Variants in NELL1 observed in about 807,000 individuals in gnomAD.
NELL1 encodes the protein protein kinase C-binding protein NELL1.
NELL1 carries 76 observed loss-of-function variants against 107.4 expected under a neutral mutation model. The ratio of observed to expected loss-of-function variants is 0.71; its 90% CI spans 0.59 to 0.86. The LOEUF (loss-of-function observed/expected upper bound fraction) is 0.86. Ranked by LOEUF, NELL1 falls within the 40% of genes least tolerant of loss-of-function variation. The pLI is 0.00. For missense variants in NELL1, 1,024 were observed against 1,005.5 expected, an observed-to-expected ratio of 1.02 and a Z score of -0.25; for synonymous variants, 353 against 341.2, an observed-to-expected ratio of 1.03 and a Z score of -0.38.
intron 14 of NELL1, among the ~76,000 whole-genome samples, chr11:21,242,396 A>G (rs1272410384): frequency 5.9e-5 from 9 of 152,046 alleles, no homozygotes; most frequent in Middle Eastern, 3.2e-3. Context: ...AGCAGCACCT[A>G]TCACTTTTGT....
intron 14 of NELL1, among the ~76,000 whole-genome samples, chr11:21,303,878 G>A (rs1444820979): frequency 6.6e-6 from 1 of 151,984 alleles, no homozygotes; most frequent in African/African-American, 2.4e-5. Flanking sequence ...CTCCAAGGTG[G>A]TGCCTCATTG....
chr11:21,043,845 G>C (rs1220591541), intron 12 of NELL1, among the ~76,000 whole-genome samples: 2 of 152,106 alleles, frequency 1.3e-5, no homozygotes, highest in African/African-American at 4.8e-5. Flanking sequence ...CAGGGTTTCT[G>C]GCTTTAGTAA....
rs1367559751 is a variant in NELL1, at chr11:21,374,887, CTGTGTGT to C, written c.1645+3940_1645+3946del. Among the ~76,000 whole-genome samples, 224 of 143,850 alleles carry C rather than the reference CTGTGTGT, an allele frequency of 1.6e-3. 1 individual carries two copies. The highest frequency in any genetic ancestry group is 5.5e-3 in the African/African-American group (212 of 38,442). The allele number at this position is 143,850 out of a possible 152,430, so 94.4% of individuals were successfully genotyped here. A position where few individuals can be genotyped will look rare whatever the true frequency, so the allele number is the denominator to read the frequency against. On this transcript the variant is annotated intron_variant, in intron 15 of 19. Transcript: ENST00000357134. ...GCTGTGTGGAACTGACTGTGTGTGT[CTGTGTGT>C]GTGTGTGTGTGTGTGTGTGTGTGTG...
chr11:20,945,030 T>C (rs1168830763), intron 10 of NELL1, among the ~76,000 whole-genome samples: 2 of 152,206 alleles, frequency 1.3e-5, no homozygotes, highest in Non-Finnish European at 2.9e-5. Flanking sequence ...TGGGAATCAC[T>C]CCCGAATCTC....
chr11:21,033,552 G>A (rs1853013703), intron 12 of NELL1, among the ~76,000 whole-genome samples: 1 of 151,886 alleles, frequency 6.6e-6, no homozygotes, highest in Non-Finnish European at 1.5e-5. Flanking sequence ...CCATGTCTTT[G>A]CCAAGGACAT....
chr11:21,233,072 TAC>T (rs1470436183), intron 14 of NELL1, among the ~76,000 whole-genome samples: 3 of 152,218 alleles, frequency 2.0e-5, no homozygotes, highest in Non-Finnish European at 2.9e-5. Flanking sequence ...TTATAAGCAT[TAC>T]ATAAGACATC....
chr11:21,293,180 T>C (rs1849307764), intron 14 of NELL1, among the ~76,000 whole-genome samples: 1 of 152,134 alleles, frequency 6.6e-6, no homozygotes, highest in Non-Finnish European at 1.5e-5. Context: ...TCTATCCATC[T>C]GACAAAGGGC....
At chr11:20,846,365 A>T (rs952987435) in intron 3 of NELL1, among the ~76,000 whole-genome samples, 2 of 152,212 alleles carry the variant, frequency 1.3e-5, no homozygotes, top group African/African-American at 4.8e-5. Context: ...TTCATTCCTC[A>T]TAGAAGATGC....
rs192493419 is a variant in NELL1 at position 21,194,678 on chromosome 11, C to G, written c.1427-34654C>G. Among the ~76,000 whole-genome samples, 18 of 152,220 alleles carry G rather than the reference C, an allele frequency of 1.2e-4. No individual in the cohort carries two copies. The East Asian group carries it at 3.5e-3, about 29-fold the overall frequency. ...TAAGCAAGACCTACCGAATCAGCAA[C>G]TTTTTAGGGGTAAGGCCCAGAAATC... On this transcript the variant is annotated intron_variant, in intron 13 of 19. Transcript: ENST00000357134.
chr11:21,336,731 C>T (rs1339372772), intron 14 of NELL1, among the ~76,000 whole-genome samples: 2 of 149,892 alleles, frequency 1.3e-5, no homozygotes, highest in African/African-American at 4.9e-5. Flanking sequence ...TATTTGAACT[C>T]TTCTTTTTTT....
At chr11:21,142,534 G>A (rs886533368) in intron 13 of NELL1, among the ~76,000 whole-genome samples, 2 of 152,212 alleles carry the variant, frequency 1.3e-5, no homozygotes, top group African/African-American at 4.8e-5. Flanking sequence ...CTTAAATCAC[G>A]GCAGAGGCAT....
At chr11:20,671,238 C>T (rs1853901000) in intron 1 of NELL1, 1 of 152,282 alleles carries the variant, frequency 6.6e-6, no homozygotes, top group Non-Finnish European at 1.5e-5. Flanking sequence ...CTTTTAAAAC[C>T]AGGACACGCT....
chr11:21,220,705 A>G (rs1590745757), intron 13 of NELL1, among the ~76,000 whole-genome samples: 1 of 151,638 alleles, frequency 6.6e-6, no homozygotes, highest in Non-Finnish European at 1.5e-5. Flanking sequence ...ACCCATTTTT[A>G]TGTGTTAATT....
intron 12 of NELL1, among the ~76,000 whole-genome samples, chr11:21,101,661 C>A (rs940304148): frequency 6.6e-6 from 1 of 151,992 alleles, no homozygotes; most frequent in African/African-American, 2.4e-5. Context: ...CTGTTCATAT[C>A]CTTCGCCCAC....
At chr11:21,343,391 C>A (rs1358292852) in intron 14 of NELL1, among the ~76,000 whole-genome samples, 1 of 152,138 alleles carries the variant, frequency 6.6e-6, no homozygotes, top group East Asian at 1.9e-4. Flanking sequence ...TATCTTTCTT[C>A]ACCTAGCCTA....
In NELL1 at chr11:20,931,629, T is replaced by C. The variant is rs541338525; in HGVS notation, c.997+3150T>C. 8.7e-4 allele frequency among the ~76,000 whole-genome samples: 133 copies of C among 152,306 alleles called. 1 individual carries two copies. The highest frequency in any genetic ancestry group is 3.3e-4 in the Admixed American group (5 of 15,302). ...AATTGTATCTTGTATGAATAACTTATAGTCAAATCTTGTTTTTTAATCCAG... is the reference window on the plus strand; with the variant it reads ...AATTGTATCTTGTATGAATAACTTACAGTCAAATCTTGTTTTTTAATCCAG... On this transcript the variant is annotated intron_variant, in intron 9 of 19. Coordinates refer to ENST00000357134, the MANE Select transcript of NELL1 (RefSeq NM_006157.5).
At chr11:21,429,112 T>C (rs1852906430) in intron 15 of NELL1, among the ~76,000 whole-genome samples, 1 of 152,232 alleles carries the variant, frequency 6.6e-6, no homozygotes, top group Admixed American at 6.5e-5. Flanking sequence ...TTTAAGGCAC[T>C]AATGTGAATT....
intron 15 of NELL1, among the ~76,000 whole-genome samples, chr11:21,435,593 G>A (rs1030601690): frequency 1.3e-5 from 2 of 149,974 alleles, no homozygotes; most frequent in Admixed American, 6.6e-5. Flanking sequence ...TCTTCATTCT[G>A]TTGATGTGAT....
intron 2 of NELL1, among the ~76,000 whole-genome samples, chr11:20,756,725 C>G (rs1465685607): frequency 1.3e-5 from 2 of 151,894 alleles, no homozygotes; most frequent in East Asian, 3.9e-4. Context: ...CGGGCCTCCA[C>G]CCACTCACTG....
Sources: allele counts gnomAD v4.1 joint callset (sites outside exome capture counted in the v4.1 genomes callset), GRCh38; gene constraint gnomAD v4.1.1; transcripts MANE v1.5; gene names NCBI Gene and HGNC (gene_info 2026-07-23, HGNC 2026-07-21).